The following PIK3C2A variants were observed in gnomAD, a reference collection of about 807,000 sequenced individuals.
The protein encoded by PIK3C2A is phosphatidylinositol-4-phosphate 3-kinase catalytic subunit type 2 alpha.
In PIK3C2A, 97 loss-of-function variants were observed where a neutral mutation model predicts 204.5. The observed-to-expected ratio is 0.47, with a 90% CI of 0.40 to 0.56. The LOEUF is 0.56. Ranked by LOEUF, PIK3C2A falls within the 20% of genes least tolerant of loss-of-function variation. The probability of loss-of-function intolerance (pLI) is 0.00; values close to 1 mark genes in which losing one functional copy is unlikely to be tolerated. For synonymous variants in PIK3C2A, 653 were observed against 664.4 expected, an observed-to-expected ratio of 0.98 and a Z score of 0.26; for missense variants, 1,735 against 1,969.2, an observed-to-expected ratio of 0.88 and a Z score of 2.25.
At chr11:17,107,631 T>A (rs890878786) in intron 22 of PIK3C2A, among the ~76,000 whole-genome samples, 1 of 152,210 alleles carries the variant, frequency 6.6e-6, no homozygotes, top group Admixed American at 6.5e-5. Context: ...TATCTGGATA[T>A]CCTACTATGT....
chr11:17,207,949 C>T lies in PIK3C2A; in HGVS notation c.-167G>A, dbSNP rs1163837138. The T allele has an allele frequency of 6.6e-6, 1 of 152,390 alleles. No homozygotes were observed. The highest frequency in any genetic ancestry group is 6.5e-5 in the Admixed American group (1 of 15,288). 9.4% of individuals were successfully genotyped at this position (152,390 alleles called of 1,614,324 possible). A position where few individuals can be genotyped will look rare whatever the true frequency, so the allele number is the denominator to read the frequency against. The stretch of plus-strand genomic sequence containing the variant: ...CAGCTGGCTCAGCCGCCGCCGAAAG[C>T]TTCGGCCGACTCCACAGCCAGCCAA... On this transcript the variant is annotated 5_prime_UTR_variant, in exon 1 of 33. Transcript: ENST00000691414.
chr11:17,178,981 G>A (rs1361881882), intron 1 of PIK3C2A, among the ~76,000 whole-genome samples: 2 of 149,656 alleles, frequency 1.3e-5, no homozygotes, highest in East Asian at 2.0e-4. Context: ...CACCCGCCTC[G>A]GCCTCCCAAA....
Position 17,102,644 on chromosome 11 carries a change from A to C in PIK3C2A, c.3851+18T>G. 1 of 1,562,810 alleles carries C rather than the reference A, an allele frequency of 6.4e-7. No individual in the cohort carries two copies. The highest frequency in any genetic ancestry group is 8.7e-7 in the Non-Finnish European group (1 of 1,151,920). On this transcript the variant is annotated intron_variant, in intron 24 of 32. Transcript: ENST00000691414. ...CAGGAAGTGCCTCATTTCTTTGGCA[A>C]CAGCAATAACATTATACCTTTTGAA... is the stretch of plus-strand genomic sequence containing the variant.
At chr11:17,138,182 G>A (rs1849937700) in intron 8 of PIK3C2A, 10 of 899,972 alleles carry the variant, frequency 1.1e-5, no homozygotes, top group Non-Finnish European at 1.8e-5. Context: ...GTCTACCTGG[G>A]TACACACCAC....
rs61762020 is a variant in PIK3C2A, at chr11:17,118,369, G to A, written c.3035+276C>T. Among the ~76,000 whole-genome samples the A allele has an allele frequency of 1.4e-3, 209 of 152,186 alleles. 3 individuals carry two copies. Among genetic ancestry groups the A allele is most frequent in the African/African-American group, 4.7e-3 (197 of 41,492 alleles). On this transcript the variant is annotated intron_variant, in intron 18 of 32. Coordinates refer to ENST00000691414, the MANE Select transcript of PIK3C2A (RefSeq NM_002645.4). ...ATTACAAGCATGAGCCACCACGCTT[G>A]GCCTCAATTTTTGATAACCAGAAAT...
chr11:17,207,338 G>C (rs533047201), intron 1 of PIK3C2A, among the ~76,000 whole-genome samples: 1 of 152,252 alleles, frequency 6.6e-6, no homozygotes, highest in East Asian at 1.9e-4. Context: ...TGGGGGGTCC[G>C]GGAAGAAGAA....
chr11:17,126,059 G>A (rs1466199270), intron 13 of PIK3C2A, among the ~76,000 whole-genome samples: 1 of 152,102 alleles, frequency 6.6e-6, no homozygotes, highest in Non-Finnish European at 1.5e-5. Context: ...AGGAGGCAGA[G>A]GTTGCAGTGA....
At chr11:17,145,028 C>G (rs1365803159) in intron 8 of PIK3C2A, among the ~76,000 whole-genome samples, 1 of 152,124 alleles carries the variant, frequency 6.6e-6, no homozygotes, top group Non-Finnish European at 1.5e-5. Context: ...GTATTTACCC[C>G]ACGCCTGTAC....
intron 21 of PIK3C2A, among the ~76,000 whole-genome samples, chr11:17,111,160 A>G (rs181779195): frequency 1.3e-3 from 193 of 152,184 alleles, no homozygotes; most frequent in African/African-American, 4.4e-3. Flanking sequence ...TGCCTGCCTC[A>G]GCCTCCCAAA....
rs541004036 is a variant in PIK3C2A, at chr11:17,137,874, C to G, written c.1705-1249G>C. 15 of 351,420 alleles carry G rather than the reference C, an allele frequency of 4.3e-5. No homozygotes were observed. The South Asian group carries it at 4.4e-4, about 10-fold the overall frequency. 21.8% of individuals were successfully genotyped at this position (351,420 alleles called of 1,614,324 possible). On this transcript the variant is annotated intron_variant, in intron 8 of 32. Coordinates refer to ENST00000691414, the MANE Select transcript of PIK3C2A (RefSeq NM_002645.4). ...CAATTGAACACACAGAAAGGACCCT[C>G]CAAGGCCAAGAGCATTAGGAAGACA...
chr11:17,197,760 T>C (rs1852211506), intron 1 of PIK3C2A, among the ~76,000 whole-genome samples: 2 of 152,182 alleles, frequency 1.3e-5, no homozygotes, highest in Non-Finnish European at 2.9e-5. Flanking sequence ...ACATGAATCA[T>C]TAAATAAACT....
chr11:17,152,949 G>A (rs570040347), intron 3 of PIK3C2A, among the ~76,000 whole-genome samples: 1 of 152,236 alleles, frequency 6.6e-6, no homozygotes, highest in Non-Finnish European at 1.5e-5. Flanking sequence ...TGAAGTCCTT[G>A]AAAACATACA....
intron 13 of PIK3C2A, among the ~76,000 whole-genome samples, chr11:17,127,458 G>A (rs780923791): frequency 2.2e-4 from 33 of 151,882 alleles, no homozygotes; most frequent in African/African-American, 6.8e-4. Context: ...ACAGATGTGC[G>A]CCACCACACC....
Position 17,089,842 on chromosome 11 carries a change from G to T in PIK3C2A, c.4957C>A (p.Arg1653=). 6.2e-7 allele frequency: 1 copy of T among 1,613,496 alleles called. No homozygotes were observed. The highest frequency in any genetic ancestry group is 2.2e-5 in the East Asian group (1 of 44,866). The change falls in exon 33 of 33, where the codon CGG becomes AGG. Residue 1653 remains arginine, a synonymous_variant. Coordinates refer to ENST00000691414, the MANE Select transcript of PIK3C2A (RefSeq NM_002645.4). Reference sequence around the variant, plus strand: ...ACTCCACCCAAGAAAAAATTCTCCCGCAGAGATTCTGCACTGAGTACACTT... The same window carrying T: ...ACTCCACCCAAGAAAAAATTCTCCCTCAGAGATTCTGCACTGAGTACACTT... ...QLSVLSAESL[R]ENFFLGGVTL...
At chr11:17,187,547 A>G (rs1421835902) in intron 1 of PIK3C2A, among the ~76,000 whole-genome samples, 1 of 152,148 alleles carries the variant, frequency 6.6e-6, no homozygotes, top group East Asian at 1.9e-4. Flanking sequence ...TCTCATTGGC[A>G]GGGTTTCACA....
intron 13 of PIK3C2A, among the ~76,000 whole-genome samples, chr11:17,127,983 T>C (rs774089347): frequency 1.9e-4 from 29 of 152,174 alleles, no homozygotes; most frequent in Non-Finnish European, 3.7e-4. Context: ...TACCACATAC[T>C]AGCTAAGTGC....
At chr11:17,183,656 G>A (rs1222235357) in intron 1 of PIK3C2A, among the ~76,000 whole-genome samples, 4 of 151,984 alleles carry the variant, frequency 2.6e-5, no homozygotes, top group African/African-American at 9.7e-5. Context: ...ACTCCAGCCT[G>A]GGCAACAGAA....
At chr11:17,097,286 C>T (rs746540785) in intron 26 of PIK3C2A, 22 bp from the exon 27 acceptor site, 10 of 1,485,904 alleles carry the variant, frequency 6.7e-6, no homozygotes, top group South Asian at 4.6e-5. Flanking sequence ...TCAGAAAATT[C>T]GTTAACAGTA....
chr11:17,195,764 G>A (rs1392811798), intron 1 of PIK3C2A, among the ~76,000 whole-genome samples: 16 of 145,830 alleles, frequency 1.1e-4, no homozygotes, highest in East Asian at 4.1e-4. Context: ...AAGGAGCCCC[G>A]CGCGCTGGCT....
Sources: gnomAD v4.1 joint callset for allele counts (sites outside exome capture counted in the v4.1 genomes callset) on GRCh38, gnomAD v4.1.1 for gene constraint, MANE v1.5 for transcripts, NCBI Gene and HGNC (gene_info 2026-07-23, HGNC 2026-07-21) for gene names.